The following KCNN2 variants were observed in gnomAD, a reference collection of about 807,000 sequenced individuals.
KCNN2 encodes the protein potassium calcium-activated channel subfamily N member 2.
Under a neutral mutation model 55.5 loss-of-function variants are expected in KCNN2, and 24 were observed. That is an observed-to-expected ratio of 0.43 (90% CI 0.31 to 0.61). KCNN2 has a LOEUF of 0.61. KCNN2 is among the 20% of genes least tolerant of loss of function. The probability of loss-of-function intolerance (pLI) is 0.08; values close to 1 mark genes in which losing one functional copy is unlikely to be tolerated. For missense variants in KCNN2, 754 were observed against 853.6 expected, an observed-to-expected ratio of 0.88 and a Z score of 1.45; for synonymous variants, 431 against 336.1, an observed-to-expected ratio of 1.28 and a Z score of -3.09.
At chr5:114,413,035 A>G (rs1380126198) in intron 3 of KCNN2, among the ~76,000 whole-genome samples, 1 of 152,204 alleles carries the variant, frequency 6.6e-6, no homozygotes, top group African/African-American at 2.4e-5. Flanking sequence ...TCATACATAC[A>G]GATATAGCAT....
At chr5:114,252,178 C>T (rs1488731384) in intron 2 of KCNN2, among the ~76,000 whole-genome samples, 1 of 151,882 alleles carries the variant, frequency 6.6e-6, no homozygotes, top group East Asian at 1.9e-4. Context: ...ATGGCCTGGC[C>T]TAGTTTTTCT....
At chr5:114,385,367 C>G (rs1484280706) in intron 2 of KCNN2, among the ~76,000 whole-genome samples, 1 of 152,122 alleles carries the variant, frequency 6.6e-6, no homozygotes, top group East Asian at 1.9e-4. Flanking sequence ...ATTTACATAA[C>G]TGACATCAAC....
chr5:114,409,167 A>C (rs1279575113), intron 3 of KCNN2, among the ~76,000 whole-genome samples: 3 of 152,320 alleles, frequency 2.0e-5, no homozygotes, highest in South Asian at 2.1e-4. Flanking sequence ...ATGGCTTGTT[A>C]AGACTTCTTC....
At chr5:114,167,741 A>G (rs1752946538) in intron 1 of KCNN2, among the ~76,000 whole-genome samples, 1 of 152,152 alleles carries the variant, frequency 6.6e-6, no homozygotes. Flanking sequence ...ATTGGTTTTG[A>G]CTTATGCATT....
chr5:114,164,060 T>C (rs1651901791), intron 1 of KCNN2, among the ~76,000 whole-genome samples: 3 of 152,308 alleles, frequency 2.0e-5, no homozygotes, highest in Admixed American at 2.0e-4. Context: ...TATGAGTGAA[T>C]TGGTAATTTC....
chr5:114,072,023 T>G (rs1310832388), intron 1 of KCNN2, among the ~76,000 whole-genome samples: 1 of 152,220 alleles, frequency 6.6e-6, no homozygotes, highest in African/African-American at 2.4e-5. Context: ...CTGGGCGTGG[T>G]GCCTCATGCC....
chr5:114,488,607 G>C (rs1177471350), intron 6 of KCNN2, among the ~76,000 whole-genome samples: 1 of 152,132 alleles, frequency 6.6e-6, no homozygotes, highest in Admixed American at 6.6e-5. Flanking sequence ...AGATTGAAGA[G>C]AATGAGAACC....
intron 1 of KCNN2, among the ~76,000 whole-genome samples, chr5:114,218,910 G>T (rs1374423766): frequency 6.6e-6 from 1 of 152,138 alleles, no homozygotes; most frequent in Admixed American, 6.5e-5. Context: ...ATGGTACCTT[G>T]TTCACTCAGC....
At chr5:114,473,913 G>A (rs1332771153) in intron 5 of KCNN2, among the ~76,000 whole-genome samples, 1 of 152,162 alleles carries the variant, frequency 6.6e-6, no homozygotes, top group African/African-American at 2.4e-5. Context: ...AAAACTGCAA[G>A]AAGAGAAAGG....
chr5:114,368,319 T>C (rs1218100665), intron 2 of KCNN2, among the ~76,000 whole-genome samples: 5 of 152,248 alleles, frequency 3.3e-5, no homozygotes, highest in Admixed American at 1.3e-4. Context: ...TCATCTTTTA[T>C]GATGGAATAA....
intron 2 of KCNN2, among the ~76,000 whole-genome samples, chr5:114,328,660 G>A (rs776754645): frequency 1.3e-5 from 2 of 152,148 alleles, no homozygotes; most frequent in Admixed American, 1.3e-4. Context: ...AGGCCCATGG[G>A]AAACTGCCTC....
chr5:114,292,879 TG>T (rs1755925522), intron 2 of KCNN2, among the ~76,000 whole-genome samples: 2 of 152,236 alleles, frequency 1.3e-5, no homozygotes, highest in Admixed American at 1.3e-4. Flanking sequence ...AGCAGTGGTT[TG>T]TAGTTCTCCT....
upstream of KCNN2, among the ~76,000 whole-genome samples, chr5:114,361,448 C>G (rs566493577): frequency 6.6e-6 from 1 of 152,350 alleles, no homozygotes; most frequent in African/African-American, 2.4e-5. Flanking sequence ...CCACACGCTG[C>G]TGCACTGGCG....
intron 1 of KCNN2, among the ~76,000 whole-genome samples, chr5:114,086,931 C>CAGTTCTTTTCTGT (rs1283402736): frequency 6.6e-6 from 1 of 152,090 alleles, no homozygotes; most frequent in Non-Finnish European, 1.5e-5. Flanking sequence ...TCTGTGCAGC[C>CAGTTCTTTTCTGT]TCACCAGTAT....
intron 2 of KCNN2, among the ~76,000 whole-genome samples, chr5:114,309,587 A>G (rs1170115388): frequency 6.6e-6 from 1 of 152,230 alleles, no homozygotes; most frequent in African/African-American, 2.4e-5. Context: ...TGTGGATGTA[A>G]TGAAGACAAA....
intron 1 of KCNN2, among the ~76,000 whole-genome samples, chr5:114,164,521 A>G (rs888379594): frequency 2.6e-5 from 4 of 152,184 alleles, no homozygotes; most frequent in African/African-American, 9.7e-5. Flanking sequence ...GTGACATGTG[A>G]GTGGAATGGA....
At chr5:114,205,583 T>C (rs1753752000) in intron 1 of KCNN2, among the ~76,000 whole-genome samples, 1 of 152,124 alleles carries the variant, frequency 6.6e-6, no homozygotes, top group South Asian at 2.1e-4. Flanking sequence ...TTAGGACAAA[T>C]GTAAATGAAA....
intron 2 of KCNN2, among the ~76,000 whole-genome samples, chr5:114,306,655 T>A (rs1461009796): frequency 6.6e-6 from 1 of 151,976 alleles, no homozygotes. Context: ...AGAAGTACCT[T>A]TACTACCCAC....
rs144253044 is a variant in KCNN2 at position 114,191,478 on chromosome 5, A to G, written c.-270-30002A>G. On this transcript the variant is annotated intron_variant, in intron 1 of 10. Coordinates refer to the KCNN2 transcript ENST00000512097. ...AGTAAGAGGTCTCCTTGCAACCAGA[A>G]GGAAGCTTGTATGTAGCATAAGGCA... 3.9e-5 allele frequency among the ~76,000 whole-genome samples: 6 copies of G among 152,300 alleles called. No homozygotes were observed. In the East Asian group the frequency reaches 9.7e-4, roughly 25 times the overall value.
Sources: gnomAD v4.1 joint callset for allele counts (sites outside exome capture counted in the v4.1 genomes callset) on GRCh38, gnomAD v4.1.1 for gene constraint, MANE v1.5 for transcripts, NCBI Gene and HGNC (gene_info 2026-07-23, HGNC 2026-07-21) for gene names.